The following ARMC1 variants were observed in gnomAD, a reference collection of about 807,000 sequenced individuals.
ARMC1 encodes armadillo repeat containing 1.
Under a neutral mutation model 31.4 loss-of-function variants are expected in ARMC1, and 16 were observed. The ratio of observed to expected loss-of-function variants is 0.51; its 90% confidence interval spans 0.34 to 0.77. The LOEUF is 0.77. Among genes scored for constraint, ARMC1 ranks in the 30% least tolerant of loss-of-function variants. ARMC1 has a pLI of 0.01. For synonymous variants in ARMC1, 114 were observed against 118.9 expected (o/e 0.96, Z 0.27); for missense variants, 259 against 347.5 (o/e 0.75, Z 2.02).
At chr8:65,613,665 G>A (rs1435954497) in intron 3 of ARMC1, among the ~76,000 whole-genome samples, 1 of 152,074 alleles carries the variant, frequency 6.6e-6, no homozygotes, top group Non-Finnish European at 1.5e-5. Context: ...CAACACTATA[G>A]AGGTATAAAA....
In ARMC1 at chr8:65,605,521, A is replaced by G. The variant is rs1188603601; in HGVS notation, c.483T>C (p.Cys161=). 1.2e-6 allele frequency: 2 copies of G among 1,612,278 alleles called. No homozygotes were observed. The highest frequency in any genetic ancestry group is 1.7e-6 in the Non-Finnish European group (2 of 1,178,428). The change falls in exon 5 of 7, where the codon TGT becomes TGC. Residue 161 remains cysteine (C), a synonymous_variant. Coordinates refer to ENST00000276569, the MANE Select transcript of ARMC1 (RefSeq NM_018120.6). ...GLDDTSRRNL[C]EEALLKIKGV... ...CTTTAATTTTTAACAAAGCCTCTTC[A>G]CATAGATTTCTCCGAGACTGAAAAA...
At chr8:65,616,844 C>T (rs894489222) in intron 3 of ARMC1, among the ~76,000 whole-genome samples, 10 of 150,652 alleles carry the variant, frequency 6.6e-5, no homozygotes, top group Non-Finnish European at 1.3e-4. Context: ...AAGTGAGGAG[C>T]CCCTCCACCC....
At chr8:65,618,724 C>A (rs780020866) in intron 3 of ARMC1, among the ~76,000 whole-genome samples, 3 of 151,836 alleles carry the variant, frequency 2.0e-5, no homozygotes, top group Non-Finnish European at 4.4e-5. Flanking sequence ...AAGAAACCAT[C>A]CCAATGTTTG....
intron 1 of ARMC1, among the ~76,000 whole-genome samples, chr8:65,631,616 A>T (rs1183664053): frequency 6.6e-6 from 1 of 152,268 alleles, no homozygotes; most frequent in East Asian, 1.9e-4. Flanking sequence ...GCAATAGAAC[A>T]GTTAGGAAAC....
chr8:65,619,743 G>A (rs1399539417), intron 3 of ARMC1, among the ~76,000 whole-genome samples: 1 of 151,892 alleles, frequency 6.6e-6, no homozygotes, highest in Admixed American at 6.6e-5. Flanking sequence ...CAGTACTTTG[G>A]GAGGCTGAGA....
intron 3 of ARMC1, among the ~76,000 whole-genome samples, chr8:65,617,020 G>C (rs539015370): frequency 6.7e-6 from 1 of 149,218 alleles, no homozygotes; most frequent in Non-Finnish European, 1.5e-5. Flanking sequence ...GCCCCCGCCC[G>C]GCCAGCCACC....
chr8:65,631,809 T>C (rs1808650188), intron 1 of ARMC1, among the ~76,000 whole-genome samples: 1 of 151,522 alleles, frequency 6.6e-6, no homozygotes. Flanking sequence ...AGTTCAAGTC[T>C]ACAGTGTGCT....
chr8:65,620,008 G>A (rs531696247), intron 3 of ARMC1, among the ~76,000 whole-genome samples: 1 of 150,878 alleles, frequency 6.6e-6, no homozygotes, highest in African/African-American at 2.4e-5. Flanking sequence ...AGCAGGACAT[G>A]ATGGCCTAAG....
At chr8:65,610,131 C>T (rs922716244) in intron 4 of ARMC1, among the ~76,000 whole-genome samples, 2 of 151,866 alleles carry the variant, frequency 1.3e-5, no homozygotes, top group African/African-American at 4.8e-5. Flanking sequence ...GGGATCTCGC[C>T]CTGTCGCCCA....
At chr8:65,616,864 C>T (rs1429909905) in intron 3 of ARMC1, among the ~76,000 whole-genome samples, 24 of 151,440 alleles carry the variant, frequency 1.6e-4, no homozygotes, top group Middle Eastern at 3.4e-3. Context: ...CGGCAGCCGC[C>T]CTGTCTGAGA....
intron 2 of ARMC1, 103 bp downstream of exon 2, chr8:65,627,113 T>C: frequency 9.3e-7 from 1 of 1,072,068 alleles, no homozygotes; most frequent in Non-Finnish European, 1.3e-6. Flanking sequence ...AACAACTAAT[T>C]GCTCTCTTTC....
intron 1 of ARMC1, among the ~76,000 whole-genome samples, chr8:65,627,832 T>C (rs1230478740): frequency 6.6e-6 from 1 of 152,238 alleles, no homozygotes; most frequent in Admixed American, 6.5e-5. Context: ...GAAAAGTGGC[T>C]AGTTTACAGC....
At chr8:65,633,422 T>C (rs1028170715) in intron 1 of ARMC1, among the ~76,000 whole-genome samples, 1 of 151,952 alleles carries the variant, frequency 6.6e-6, no homozygotes, top group East Asian at 1.9e-4. Context: ...GAACGCGAAA[T>C]GGTAAAATCA....
intron 6 of ARMC1, 22 bp downstream of exon 6, chr8:65,605,241 G>A (rs1418388675): frequency 6.3e-7 from 1 of 1,589,862 alleles, no homozygotes; most frequent in Non-Finnish European, 8.5e-7. Context: ...TGGATATAAA[G>A]AAAATTAAAC....
At chr8:65,625,250 T>C (rs975688328) in intron 2 of ARMC1, among the ~76,000 whole-genome samples, 1 of 152,198 alleles carries the variant, frequency 6.6e-6, no homozygotes, top group Non-Finnish European at 1.5e-5. Flanking sequence ...CTACTGTATA[T>C]CATTTCAACC....
At position 65,610,010 on chromosome 8, in the gene ARMC1, T is replaced by A. The variant is rs545399244; in HGVS notation, c.465+3234A>T. Among the ~76,000 whole-genome samples, 20 of 152,250 alleles carry A rather than the reference T, an allele frequency of 1.3e-4. No individual in the cohort carries two copies. The South Asian group carries it at 3.5e-3, about 27-fold the overall frequency. On this transcript the variant is annotated intron_variant, in intron 4 of 6. Coordinates refer to ENST00000276569, the MANE Select transcript of ARMC1 (RefSeq NM_018120.6). Reference sequence around the variant, plus strand: ...TAACTTCTCTCTGTGCAAGGTAACTTCAGGGGAACTTCCAGCTGCAGTCCA... The same window carrying A: ...TAACTTCTCTCTGTGCAAGGTAACTACAGGGGAACTTCCAGCTGCAGTCCA...
chr8:65,625,073 A>C (rs1452912568), intron 2 of ARMC1, among the ~76,000 whole-genome samples: 1 of 152,208 alleles, frequency 6.6e-6, no homozygotes, highest in Non-Finnish European at 1.5e-5. Context: ...GTGAGCCAAG[A>C]TTGTGCCATT....
intron 4 of ARMC1, among the ~76,000 whole-genome samples, chr8:65,605,876 G>A (rs1387065321): frequency 6.6e-6 from 1 of 152,112 alleles, no homozygotes; most frequent in African/African-American, 2.4e-5. Context: ...GAAAAGCAGA[G>A]GTTCTTCTAG....
intron 3 of ARMC1, among the ~76,000 whole-genome samples, chr8:65,620,879 G>T (rs1808380742): frequency 6.6e-6 from 1 of 151,928 alleles, no homozygotes; most frequent in Non-Finnish European, 1.5e-5. Flanking sequence ...GAGGCAGAAG[G>T]ATTGCTTGAT....
Sources: gnomAD v4.1 joint callset for allele counts (sites outside exome capture counted in the v4.1 genomes callset) on GRCh38, gnomAD v4.1.1 for gene constraint, MANE v1.5 for transcripts, NCBI Gene and HGNC (gene_info 2026-07-23, HGNC 2026-07-21) for gene names.